The following NBEA variants were observed in gnomAD, a reference collection of about 807,000 sequenced individuals.
The protein encoded by NBEA is lysosomal-trafficking regulator 2.
NBEA carries 44 observed loss-of-function variants against 343.4 expected under a neutral mutation model. The ratio of observed to expected loss-of-function variants is 0.13; its 90% CI spans 0.10 to 0.16. The LOEUF (loss-of-function observed/expected upper bound fraction) is 0.16. NBEA is among the 10% of genes least tolerant of loss of function. NBEA has a pLI of 1.00. For synonymous variants in NBEA, 1,175 were observed against 1,238.7 expected (o/e 0.95, Z 1.08); for missense variants, 2,555 against 3,631.3 (o/e 0.70, Z 7.62).
intron 34 of NBEA, among the ~76,000 whole-genome samples, chr13:35,290,173 A>C (rs1013447422): frequency 9.9e-5 from 15 of 151,818 alleles, no homozygotes; most frequent in Non-Finnish European, 1.8e-4. Flanking sequence ...CCCACAGCCA[A>C]TATCATACTG....
intron 18 of NBEA, among the ~76,000 whole-genome samples, chr13:35,146,027 G>C (rs180998007): frequency 6.6e-6 from 1 of 152,270 alleles, no homozygotes; most frequent in East Asian, 1.9e-4. Context: ...ATGATCACTA[G>C]CTGACCATGT....
At chr13:35,067,332 G>A (rs1425505313) in intron 8 of NBEA, among the ~76,000 whole-genome samples, 3 of 151,872 alleles carry the variant, frequency 2.0e-5, no homozygotes, top group African/African-American at 7.3e-5. Flanking sequence ...TTGTTATGCT[G>A]AAGTGGTCCA....
intron 1 of NBEA, among the ~76,000 whole-genome samples, chr13:34,954,687 G>A (rs1488822380): frequency 4.6e-5 from 7 of 152,166 alleles, no homozygotes; most frequent in Admixed American, 2.0e-4. Flanking sequence ...GTATAAAATG[G>A]CATAGTATTT....
intron 44 of NBEA, among the ~76,000 whole-genome samples, chr13:35,561,969 T>G (rs1220837634): frequency 6.6e-6 from 1 of 152,108 alleles, no homozygotes; most frequent in African/African-American, 2.4e-5. Flanking sequence ...AAAATGGTAA[T>G]TTTAAAAATT....
chr13:34,943,316 G>A lies in NBEA; in HGVS notation c.294+202G>A, dbSNP rs115144527. On this transcript the variant is annotated intron_variant, in intron 1 of 58. Transcript: ENST00000379939. ...CCACCTCCCTCCTCTCCTCTTTCTG[G>A]TCCTCTCCTGCCACCTGAGCGCAGT... Among the ~76,000 whole-genome samples the A allele has an allele frequency of 6.9e-3, 1,053 of 152,124 alleles. 23 individuals are homozygous for A. Among genetic ancestry groups the A allele is most frequent in the African/African-American group, 0.024 (1,003 of 41,502 alleles).
intron 3 of NBEA, 31 bp downstream of exon 3, chr13:35,045,078 G>C: frequency 6.5e-7 from 1 of 1,548,740 alleles, no homozygotes; most frequent in African/African-American, 1.4e-5. Flanking sequence ...AAGGTATTCA[G>C]TATCAGTCCA....
rs1381501182 is a variant in NBEA, at chr13:35,670,125, G to GT, written c.8814-775dup. Among the ~76,000 whole-genome samples the GT allele has an allele frequency of 2.6e-5, 4 of 152,144 alleles. No homozygotes were observed. The East Asian group carries it at 7.7e-4, about 29-fold the overall frequency. ...ATATATTGGGGATATTACTCAAAAG[G>GT]TATTTATTGGATGAGGTGTCTAATC... On this transcript the variant is annotated intron_variant, in intron 58 of 58. Coordinates refer to ENST00000379939, the MANE Select transcript of NBEA (RefSeq NM_001385012.1).
chr13:35,334,860 G>A (rs2039154061), intron 36 of NBEA, among the ~76,000 whole-genome samples: 1 of 152,136 alleles, frequency 6.6e-6, no homozygotes, highest in Admixed American at 6.6e-5. Context: ...TTAACTTGAT[G>A]TGATCCCATG....
intron 34 of NBEA, among the ~76,000 whole-genome samples, chr13:35,253,475 T>C (rs2032218213): frequency 6.6e-6 from 1 of 152,232 alleles, no homozygotes; most frequent in Non-Finnish European, 1.5e-5. Context: ...GAAACGAGAA[T>C]TGTGTGGCTT....
chr13:35,491,191 A>G (rs1159277936), intron 41 of NBEA, among the ~76,000 whole-genome samples: 1 of 151,892 alleles, frequency 6.6e-6, no homozygotes, highest in Non-Finnish European at 1.5e-5. Context: ...AATGAATATC[A>G]TCTGTTCTGT....
chr13:35,609,100 C>T (rs532126233), intron 48 of NBEA, among the ~76,000 whole-genome samples: 173 of 152,306 alleles, frequency 1.1e-3, no homozygotes, highest in Non-Finnish European at 1.8e-3. Context: ...CAGATAAAGA[C>T]TGCAAGTATA....
chr13:35,002,836 C>A (rs1217235070), intron 1 of NBEA, among the ~76,000 whole-genome samples: 1 of 152,108 alleles, frequency 6.6e-6, no homozygotes, highest in Non-Finnish European at 1.5e-5. Context: ...ACTTTCCCCA[C>A]AAAAAGTTGC....
chr13:35,215,174 CA>C (rs1282232764), intron 33 of NBEA, among the ~76,000 whole-genome samples: 1 of 151,148 alleles, frequency 6.6e-6, no homozygotes, highest in Non-Finnish European at 1.5e-5. Flanking sequence ...TCTAAAGCAA[CA>C]AAAAAAGAAA....
At chr13:34,983,689 T>C (rs1388412452) in intron 1 of NBEA, among the ~76,000 whole-genome samples, 1 of 152,204 alleles carries the variant, frequency 6.6e-6, no homozygotes, top group Admixed American at 6.5e-5. Context: ...ATCTGTTGTT[T>C]CCTGACTTTC....
chr13:35,442,973 G>A (rs1160376449), intron 39 of NBEA, among the ~76,000 whole-genome samples: 3 of 152,052 alleles, frequency 2.0e-5, no homozygotes, highest in African/African-American at 4.8e-5. Flanking sequence ...TCTTTTGCTT[G>A]CAAGTATCCT....
intron 38 of NBEA, among the ~76,000 whole-genome samples, chr13:35,358,117 G>A (rs903009662): frequency 2.0e-5 from 3 of 151,936 alleles, no homozygotes; most frequent in African/African-American, 4.8e-5. Context: ...CACCTCCCGG[G>A]TTCAAGTAAT....
At chr13:35,526,093 G>C (rs1458044368) in intron 41 of NBEA, among the ~76,000 whole-genome samples, 1 of 152,218 alleles carries the variant, frequency 6.6e-6, no homozygotes, top group Non-Finnish European at 1.5e-5. Context: ...TGGTAAAATG[G>C]GGATACAAAT....
chr13:35,461,351 A>G (rs747875750), intron 40 of NBEA, among the ~76,000 whole-genome samples: 19 of 152,126 alleles, frequency 1.2e-4, no homozygotes, highest in Non-Finnish European at 2.6e-4. Flanking sequence ...TTGATTTTCT[A>G]CTTTTTTCTC....
At chr13:35,467,553 G>A (rs2075441006) in intron 40 of NBEA, among the ~76,000 whole-genome samples, 3 of 151,392 alleles carry the variant, frequency 2.0e-5, no homozygotes, top group Non-Finnish European at 4.4e-5. Context: ...TCCCTACAAT[G>A]TATACCACTT....
Sources: gnomAD v4.1 joint callset for allele counts (sites outside exome capture counted in the v4.1 genomes callset) on GRCh38, gnomAD v4.1.1 for gene constraint, MANE v1.5 for transcripts, NCBI Gene and HGNC (gene_info 2026-07-23, HGNC 2026-07-21) for gene names.